XKR9: variants seen among roughly 807,000 people sequenced by gnomAD.
The protein encoded by XKR9 is XK related 9.
XKR9 carries 32 observed loss-of-function variants against 32.0 expected under a neutral mutation model. The observed-to-expected ratio is 1.00, with a 90% CI of 0.76 to 1.34. The LOEUF (loss-of-function observed/expected upper bound fraction) is 1.34. Ranked by LOEUF, XKR9 falls within the 40% of genes most tolerant of loss-of-function variation. The pLI is 0.00. For synonymous variants in XKR9, 168 were observed against 143.4 expected, an observed-to-expected ratio of 1.17 and a Z score of -1.22; for missense variants, 546 against 429.7, an observed-to-expected ratio of 1.27 and a Z score of -2.39.
chr8:70,868,730 T>C, the XKR9 span, among the ~76,000 whole-genome samples: 6 of 152,206 alleles, frequency 3.9e-5, no homozygotes, highest in Admixed American at 1.3e-4. Flanking sequence ...TCATTACTTA[T>C]GCAAATTTCT....
the XKR9 span, among the ~76,000 whole-genome samples, chr8:71,036,594 CT>C: frequency 6.6e-6 from 1 of 152,110 alleles, no homozygotes; most frequent in South Asian, 2.1e-4. Context: ...TGAGCCTCAT[CT>C]GTAAAATTAG....
chr8:70,805,025 C>T, the XKR9 span, among the ~76,000 whole-genome samples: 3 of 152,182 alleles, frequency 2.0e-5, no homozygotes, highest in South Asian at 6.2e-4. Context: ...TGATCAGAGG[C>T]TTCCATCAAA....
the XKR9 span, among the ~76,000 whole-genome samples, chr8:70,941,813 A>G: frequency 4.6e-5 from 7 of 152,174 alleles, no homozygotes; most frequent in Non-Finnish European, 8.8e-5. Context: ...TCTACACCAC[A>G]AAATCAGCCT....
chr8:70,945,015 C>A, the XKR9 span, among the ~76,000 whole-genome samples: 1 of 152,080 alleles, frequency 6.6e-6, no homozygotes, highest in Non-Finnish European at 1.5e-5. Context: ...CAAAAAAATG[C>A]CACAAGAGAA....
At chr8:70,804,466 C>T in the XKR9 span, among the ~76,000 whole-genome samples, 1 of 152,072 alleles carries the variant, frequency 6.6e-6, no homozygotes, top group South Asian at 2.1e-4. Flanking sequence ...ATTTTATGTG[C>T]AAAGTGGGAT....
the XKR9 span, among the ~76,000 whole-genome samples, chr8:70,882,027 AC>A: frequency 6.6e-6 from 1 of 151,632 alleles, no homozygotes; most frequent in Non-Finnish European, 1.5e-5. Context: ...AAAACCAAAC[AC>A]CACATGTTCT....
At chr8:70,950,301 C>T in the XKR9 span, among the ~76,000 whole-genome samples, 1 of 152,108 alleles carries the variant, frequency 6.6e-6, no homozygotes, top group Non-Finnish European at 1.5e-5. Flanking sequence ...TACCAGATCT[C>T]CTGAGAACTG....
the XKR9 span, among the ~76,000 whole-genome samples, chr8:70,959,385 T>G: frequency 6.6e-6 from 1 of 152,214 alleles, no homozygotes; most frequent in East Asian, 1.9e-4. Flanking sequence ...AAAATAGATC[T>G]AATTAATTCT....
chr8:70,934,888 T>G, the XKR9 span, among the ~76,000 whole-genome samples: 1 of 151,832 alleles, frequency 6.6e-6, no homozygotes, highest in Non-Finnish European at 1.5e-5. Flanking sequence ...TTACTTCTTT[T>G]AATATTTACT....
chr8:70,948,060 T>C, the XKR9 span, among the ~76,000 whole-genome samples: 4 of 152,342 alleles, frequency 2.6e-5, no homozygotes, highest in South Asian at 8.3e-4. Flanking sequence ...TGAGCCAGGC[T>C]GTCTCTCAGC....
intron 2 of XKR9, among the ~76,000 whole-genome samples, chr8:70,781,454 G>A (rs573211218): frequency 3.0e-4 from 45 of 150,184 alleles, no homozygotes; most frequent in African/African-American, 1.1e-3. Context: ...GTGATATTCC[G>A]ATACATGTAT....
chr8:70,883,679 A>T, the XKR9 span, among the ~76,000 whole-genome samples: 1 of 152,072 alleles, frequency 6.6e-6, no homozygotes, highest in South Asian at 2.1e-4. Flanking sequence ...TAGCTATATG[A>T]TTTAAAGTTA....
chr8:70,745,898 C>T (rs1586880231), intron 2 of XKR9, among the ~76,000 whole-genome samples: 2 of 152,164 alleles, frequency 1.3e-5, no homozygotes, highest in Non-Finnish European at 2.9e-5. Flanking sequence ...GCATCTCTAA[C>T]TCTGGCTGAT....
chr8:70,929,919 TTTGA>T, the XKR9 span, among the ~76,000 whole-genome samples: 7 of 152,178 alleles, frequency 4.6e-5, no homozygotes, highest in Non-Finnish European at 1.0e-4. Flanking sequence ...TAGATTAGTG[TTTGA>T]TTGAATAACT....
chr8:70,700,046 G>C (rs1805459546), intron 3 of XKR9, among the ~76,000 whole-genome samples: 1 of 152,182 alleles, frequency 6.6e-6, no homozygotes, highest in East Asian at 1.9e-4. Context: ...GCTCCTTTAA[G>C]CACTCTCTGT....
At chr8:70,687,356 T>TTCTTTCTC (rs1554544471) in intron 3 of XKR9, among the ~76,000 whole-genome samples, 3 of 148,440 alleles carry the variant, frequency 2.0e-5, no homozygotes, top group Admixed American at 6.8e-5. Flanking sequence ...CTTTCTTTCT[T>TTCTTTCTC]TCTCTCTTTC....
the XKR9 span, among the ~76,000 whole-genome samples, chr8:70,827,341 T>C: frequency 6.6e-6 from 1 of 152,140 alleles, no homozygotes. Flanking sequence ...AAAGTATAGA[T>C]GTTGTTACCA....
the XKR9 span, among the ~76,000 whole-genome samples, chr8:70,815,416 T>C: frequency 6.6e-6 from 1 of 152,208 alleles, no homozygotes; most frequent in East Asian, 1.9e-4. Context: ...AGTGAGAACA[T>C]GTGGTATTTG....
the XKR9 span, among the ~76,000 whole-genome samples, chr8:70,856,971 G>A: frequency 2.0e-5 from 3 of 152,170 alleles, no homozygotes; most frequent in African/African-American, 4.8e-5. Flanking sequence ...CACAGTCAAA[G>A]CAGTGTGTAG....
Sources: allele counts gnomAD v4.1 joint callset (sites outside exome capture counted in the v4.1 genomes callset), GRCh38; gene constraint gnomAD v4.1.1; transcripts MANE v1.5; gene names NCBI Gene and HGNC (gene_info 2026-07-23, HGNC 2026-07-21).